ARAP1: variants seen among roughly 807,000 people sequenced by gnomAD.
ARAP1 encodes arf-GAP with Rho-GAP domain, ANK repeat and PH domain-containing protein 1.
A neutral mutation model predicts 172.2 loss-of-function variants in ARAP1; 76 were observed. The ratio of observed to expected loss-of-function variants is 0.44; its 90% CI spans 0.37 to 0.53. The LOEUF (loss-of-function observed/expected upper bound fraction) is 0.53. Among genes scored for constraint, ARAP1 ranks in the 20% least tolerant of loss-of-function variants. ARAP1 has a pLI of 0.00. For missense variants in ARAP1, 1,686 were observed against 1,977.5 expected, an observed-to-expected ratio of 0.85 and a Z score of 2.80; for synonymous variants, 804 against 803.3, an observed-to-expected ratio of 1.00 and a Z score of -0.01.
chr11:72,709,397 C>T (rs914893557), intron 11 of ARAP1, among the ~76,000 whole-genome samples: 1 of 152,188 alleles, frequency 6.6e-6, no homozygotes, highest in Non-Finnish European at 1.5e-5. Context: ...GAGGTAGCGG[C>T]TGAAGGCCTG....
intron 1 of ARAP1, among the ~76,000 whole-genome samples, chr11:72,739,207 CT>C (rs1265366118): frequency 2.6e-5 from 4 of 152,186 alleles, no homozygotes; most frequent in Non-Finnish European, 5.9e-5. Context: ...TATTTTCCAT[CT>C]CTCGGGGACT....
chr11:72,726,645 T>C lies in ARAP1; in HGVS notation c.484A>G (p.Thr162Ala). The change falls in exon 3 of 35, where the codon ACC (threonine) becomes GCC (alanine). Residue 162 changes from threonine to alanine, a missense_variant. Physicochemically the swap from Thr to Ala is moderately conservative, Grantham distance 58 (BLOSUM62 0). Coordinates refer to ENST00000393609, the MANE Select transcript of ARAP1 (RefSeq NM_001040118.3). This position sits in a 1 kb window ranked among gnomAD's most constrained non-coding sequence, Gnocchi z 6.5. Reference protein sequence around the residue: ...ELSVPPVPPRTGPPRLLVSLP... With the variant: ...ELSVPPVPPRAGPPRLLVSLP... ...CTCACCAGCAGGCGGGGGGGTCCGG[T>C]GCGGGGCGGCACGGGTGGAACGCTC... is the stretch of plus-strand genomic sequence containing the variant. 1.3e-6 allele frequency: 2 copies of C among 1,527,674 alleles called. No homozygotes were observed. The highest frequency in any genetic ancestry group is 8.8e-7 in the Non-Finnish European group (1 of 1,136,260). 94.6% of individuals were successfully genotyped at this position (1,527,674 alleles called of 1,614,324 possible).
intron 3 of ARAP1, among the ~76,000 whole-genome samples, chr11:72,716,981 A>G (rs1394165086): frequency 3.9e-5 from 6 of 152,150 alleles, no homozygotes; most frequent in Non-Finnish European, 8.8e-5. Context: ...CGTCTCCCCT[A>G]CATGACCTGA....
rs2135539590 is a variant in ARAP1, at chr11:72,710,696, GC to G, written c.1214-110del. On this transcript the variant is annotated intron_variant, in intron 9 of 34. Transcript: ENST00000393609. The surrounding 1 kb of genome is among the most constrained non-coding windows in gnomAD (Gnocchi z 4.3). ...CCTCCTCCAGAAAGCCCACTCAGAT[GC>G]CCCCATCATTTTGCTTGACTTCTCT... 3.3e-6 allele frequency: 4 copies of G among 1,202,036 alleles called. No individual in the cohort carries two copies. Among genetic ancestry groups the G allele is most frequent in the South Asian group, 3.1e-5 (2 of 64,572 alleles). 74.5% of individuals were successfully genotyped at this position (1,202,036 alleles called of 1,614,324 possible). A position where few individuals can be genotyped will look rare whatever the true frequency, so the allele number is the denominator to read the frequency against.
At chr11:72,704,446 T>C (rs907881244) in intron 13 of ARAP1, 112 bp from the exon 14 acceptor site, 17 of 1,224,372 alleles carry the variant, frequency 1.4e-5, no homozygotes, top group African/African-American at 7.7e-5. Flanking sequence ...CCAGGCCATC[T>C]GCCCACTTTC....
intron 34 of ARAP1, 104 bp from the exon 35 acceptor site, chr11:72,685,785 G>C: frequency 3.3e-6 from 5 of 1,502,766 alleles, no homozygotes; most frequent in Non-Finnish European, 4.6e-6. Flanking sequence ...ACTGCCAGCC[G>C]GGGAGCACTC....
chr11:72,710,480 G>A lies in ARAP1; in HGVS notation c.1321C>T (p.Pro441Ser), dbSNP rs779894274. 6.2e-7 allele frequency: 1 copy of A among 1,614,106 alleles called. No homozygotes were observed. The highest frequency in any genetic ancestry group is 1.7e-5 in the Admixed American group (1 of 60,022). The stretch of plus-strand genomic sequence containing the variant: ...AGCTCCAGGCTGCCAGCGCGGTCAG[G>A]CTGCTCTGAGCCTGGAACTCCCAGC... ...YLLGVPGSEQ[P>S]DRAGSLELRG... is the part of the protein sequence containing the mutation. Residue 441 changes from proline to serine, a missense_variant, in exon 10 of 35, where the codon CCT (proline) becomes TCT (serine). Pro to Ser is a moderately conservative substitution (Grantham distance 74). Coordinates refer to ENST00000393609, the MANE Select transcript of ARAP1 (RefSeq NM_001040118.3). The surrounding 1 kb of genome is among the most constrained non-coding windows in gnomAD (Gnocchi z 4.3).
chr11:72,707,231 G>T lies in ARAP1; in HGVS notation c.1667C>A (p.Pro556His), dbSNP rs763469997. 6.2e-7 allele frequency: 1 copy of T among 1,607,972 alleles called. No individual in the cohort carries two copies. ...PNRFCADCGA[P>H]QPDWASINLC... ...GTTGATGGAGGCCCAGTCAGGCTGAGGAGCCCCGCAGTCAGCACAGAACCT... is the reference window on the plus strand; with the variant it reads ...GTTGATGGAGGCCCAGTCAGGCTGATGAGCCCCGCAGTCAGCACAGAACCT... The change falls in exon 12 of 35, where the codon CCT becomes CAT. Residue 556 changes from proline to histidine, a missense_variant. Coordinates refer to ENST00000393609, the MANE Select transcript of ARAP1 (RefSeq NM_001040118.3).
Position 72,750,258 on chromosome 11 carries a change from G to T in ARAP1, c.-128+2070C>A, listed in dbSNP as rs1029997478. 2.0e-5 allele frequency among the ~76,000 whole-genome samples: 3 copies of T among 152,166 alleles called. No homozygotes were observed. The East Asian group carries it at 5.8e-4, about 29-fold the overall frequency. On this transcript the variant is annotated intron_variant, in intron 1 of 34. Coordinates refer to ENST00000393609, the MANE Select transcript of ARAP1 (RefSeq NM_001040118.3). ...AGGGTTAAGACCTAGAGTGAGGGGC[G>T]GGGGGCCAGGGTCAGCGCTGGACAG...
chr11:72,698,974 C>A, intron 18 of ARAP1, 31 bp downstream of exon 18: 2 of 1,611,008 alleles, frequency 1.2e-6, no homozygotes, highest in Non-Finnish European at 1.7e-6. Flanking sequence ...AGTCAGACAC[C>A]CTTACACCCA....
At position 72,687,426 on chromosome 11, in the gene ARAP1, C is replaced by T. The variant is rs746062088; in HGVS notation, c.4185+13G>A. On this transcript the variant is annotated intron_variant, in intron 33 of 34. Transcript: ENST00000393609. ...AGGGACCCACCCCACACCCCACACT[C>T]TGCACCTGGTACCTGCACAAACAGA... The T allele has an allele frequency of 3.1e-6, 5 of 1,614,228 alleles. No homozygotes were observed. Among genetic ancestry groups the T allele is most frequent in the Non-Finnish European group, 4.2e-6 (5 of 1,180,040 alleles).
rs1333748751 is a variant in ARAP1, at chr11:72,712,291, T to C, written c.927A>G (p.Ile309Met). The change falls in exon 7 of 35, where the codon ATA becomes ATG. Residue 309 changes from isoleucine (I) to methionine (M), a missense_variant. By Grantham distance (10) the Ile-to-Met change is conservative (BLOSUM62 1). Transcript: ENST00000393609. ...SSLSLSLPST[I>M]AAPHPMDGPP... ...GCCCGTCCATGGGGTGTGGCGCAGC[T>C]ATTGTGCTGGGCAAGGACAAGCTCA... is the stretch of plus-strand genomic sequence containing the variant. The C allele has an allele frequency of 3.8e-6, 6 of 1,590,218 alleles. No individual in the cohort carries two copies. The Admixed American group carries it at 5.2e-5, about 14-fold the overall frequency.
At chr11:72,702,296 C>T (rs1011981228) in intron 15 of ARAP1, among the ~76,000 whole-genome samples, 4 of 152,152 alleles carry the variant, frequency 2.6e-5, no homozygotes, top group African/African-American at 9.7e-5. Flanking sequence ...CCCAGTGTGC[C>T]CCGCCCACCC....
intron 30 of ARAP1, among the ~76,000 whole-genome samples, chr11:72,691,032 G>A (rs1855911685): frequency 6.6e-6 from 1 of 152,246 alleles, no homozygotes; most frequent in Non-Finnish European, 1.5e-5. Context: ...GGGGTGTGAA[G>A]AGCACCACCT....
intron 1 of ARAP1, among the ~76,000 whole-genome samples, chr11:72,752,001 C>A (rs1159649341): frequency 2.6e-5 from 4 of 152,222 alleles, no homozygotes; most frequent in East Asian, 1.9e-4. Flanking sequence ...AAGGTCTCAG[C>A]GGCCAACGAG....
chr11:72,726,632 C>A lies in ARAP1; in HGVS notation c.497G>T (p.Arg166Leu). 6.6e-7 allele frequency: 1 copy of A among 1,513,770 alleles called. No individual in the cohort carries two copies. The allele number at this position is 1,513,770 out of a possible 1,614,324, so 93.8% of individuals were successfully genotyped here. A position where few individuals can be genotyped will look rare whatever the true frequency, so the allele number is the denominator to read the frequency against. The change falls in exon 3 of 35, where the codon CGC becomes CTC. Residue 166 changes from arginine to leucine, a missense_variant. Arg to Leu is a moderately radical substitution (Grantham distance 102, BLOSUM62 -2). Transcript: ENST00000393609. The surrounding 1 kb of genome is among the most constrained non-coding windows in gnomAD (Gnocchi z 6.5). ...GGCATCCACTCACCTCACCAGCAGG[C>A]GGGGGGGTCCGGTGCGGGGCGGCAC... ...PPVPPRTGPPRLLVSLPTKEE... is the reference protein window; with the variant it reads ...PPVPPRTGPPLLLVSLPTKEE...
At position 72,716,823 on chromosome 11, in the gene ARAP1, C is replaced by T. The variant is rs530203699; in HGVS notation, c.510-2502G>A. 1.1e-3 allele frequency among the ~76,000 whole-genome samples: 169 copies of T among 152,346 alleles called. 1 individual carries two copies. Among genetic ancestry groups the T allele is most frequent in the Non-Finnish European group, 1.9e-3 (130 of 68,032 alleles). Reference sequence around the variant, plus strand: ...CAAAGACCCCATGGCAGACGAAGGCCTGCCACTGCCCTGGCGGCAAGCTGC... The same window carrying T: ...CAAAGACCCCATGGCAGACGAAGGCTTGCCACTGCCCTGGCGGCAAGCTGC... On this transcript the variant is annotated intron_variant, in intron 3 of 34. Coordinates refer to ENST00000393609, the MANE Select transcript of ARAP1 (RefSeq NM_001040118.3).
Position 72,697,258 on chromosome 11 carries a change from CA to C in ARAP1, c.2953+64del, listed in dbSNP as rs1312282561. 4 of 1,583,858 alleles carry C rather than the reference CA, an allele frequency of 2.5e-6. No individual in the cohort carries two copies. In the African/African-American group the frequency reaches 5.4e-5, roughly 21 times the overall value. ...CATAGAGTCATGGGGCGGGGCCGCG[CA>C]GCTCTGGGGCGGGAGGCGGCTCTCC... On this transcript the variant is annotated intron_variant, in intron 21 of 34. Transcript: ENST00000393609.
At chr11:72,718,926 CTG>C (rs2135558096) in intron 3 of ARAP1, among the ~76,000 whole-genome samples, 1 of 152,288 alleles carries the variant, frequency 6.6e-6, no homozygotes, top group African/African-American at 2.4e-5. Flanking sequence ...TTCATTAACT[CTG>C]TGTGTGCGTG....
Sources: gnomAD v4.1 joint callset for allele counts (sites outside exome capture counted in the v4.1 genomes callset) on GRCh38, gnomAD v4.1.1 for gene constraint, Gnocchi (gnomAD v3.1) non-coding constraint, MANE v1.5 for transcripts, NCBI Gene and HGNC (gene_info 2026-07-23, HGNC 2026-07-21) for gene names.